The following DUSP22 variants were observed in gnomAD, a reference collection of about 807,000 sequenced individuals.
DUSP22 encodes the protein dual specificity protein phosphatase 22.
A neutral mutation model predicts 24.5 loss-of-function variants in DUSP22; 24 were observed. The ratio of observed to expected loss-of-function variants is 0.98; its 90% CI spans 0.71 to 1.38. The LOEUF (loss-of-function observed/expected upper bound fraction) is 1.38. Ranked by LOEUF, DUSP22 falls within the 40% of genes most tolerant of loss-of-function variation. The pLI is 0.00. For synonymous variants in DUSP22, 160 were observed against 106.4 expected (o/e 1.50, Z -3.10); for missense variants, 330 against 269.2 (o/e 1.23, Z -1.58).
At chr6:334,026 A>G (rs1379052052) in intron 3 of DUSP22, among the ~76,000 whole-genome samples, 1 of 152,420 alleles carries the variant, frequency 6.6e-6, no homozygotes, top group Admixed American at 6.5e-5. Context: ...ATTCCTAACA[A>G]TAGGAGTTAA....
intron 2 of DUSP22, among the ~76,000 whole-genome samples, chr6:310,506 T>A (rs138995886): frequency 1.3e-5 from 2 of 152,426 alleles, no homozygotes; most frequent in Admixed American, 1.3e-4. Flanking sequence ...AGCCAACTGA[T>A]AGCTGATAGA....
chr6:346,039 T>TAA, intron 5 of DUSP22, 111 bp downstream of exon 5: 3 of 1,377,494 alleles, frequency 2.2e-6, no homozygotes, highest in Non-Finnish European at 3.0e-6. Flanking sequence ...TAGTTTTCTG[T>TAA]AAACCCTGAC....
chr6:294,701 G>A (rs1295206689), intron 1 of DUSP22, among the ~76,000 whole-genome samples: 1 of 152,272 alleles, frequency 6.6e-6, no homozygotes, highest in Non-Finnish European at 1.5e-5. Flanking sequence ...ATCTCATTTT[G>A]GACTAGCCAC....
chr6:315,499 C>T (rs544672553), intron 3 of DUSP22, among the ~76,000 whole-genome samples: 2 of 152,420 alleles, frequency 1.3e-5, no homozygotes, highest in Non-Finnish European at 2.9e-5. Context: ...TGCCTCTGTT[C>T]TCTCCTAGCA....
intron 1 of DUSP22, among the ~76,000 whole-genome samples, chr6:293,024 G>A (rs1440879325): frequency 6.6e-6 from 1 of 152,294 alleles, no homozygotes; most frequent in Non-Finnish European, 1.5e-5. Flanking sequence ...TGTGAGCACA[G>A]AGAAGTTTTT....
intron 2 of DUSP22, among the ~76,000 whole-genome samples, chr6:305,497 A>G (rs898559412): frequency 2.6e-5 from 4 of 152,302 alleles, no homozygotes; most frequent in African/African-American, 7.2e-5. Context: ...AAGAGTGACA[A>G]TTTCATCTCT....
rs538883551 is a variant in DUSP22 at position 306,277 on chromosome 6, T to G, written c.55+1616T>G. Reference sequence around the variant, plus strand: ...ATGAAAGGTTTGAAATTAAAAATTTTAATAAATATGAACCAAATTCAACAC... The same window carrying G: ...ATGAAAGGTTTGAAATTAAAAATTTGAATAAATATGAACCAAATTCAACAC... On this transcript the variant is annotated intron_variant, in intron 2 of 6. Transcript: ENST00000419235. Among the ~76,000 whole-genome samples the G allele has an allele frequency of 2.6e-5, 4 of 152,424 alleles. No homozygotes were observed. The East Asian group carries it at 7.7e-4, about 29-fold the overall frequency.
intron 4 of DUSP22, 67 bp downstream of exon 4, chr6:335,230 A>G (rs1759310936): frequency 6.3e-7 from 1 of 1,578,040 alleles, no homozygotes; most frequent in Admixed American, 1.7e-5. Flanking sequence ...GTAAAGTCAG[A>G]GAAGTAGAAG....
At chr6:330,989 C>G (rs985694887) in intron 3 of DUSP22, among the ~76,000 whole-genome samples, 5 of 152,308 alleles carry the variant, frequency 3.3e-5, no homozygotes, top group Non-Finnish European at 5.9e-5. Context: ...CTTCTTCCCC[C>G]TTTTCCTCTC....
chr6:292,692 C>A, intron 1 of DUSP22, 132 bp downstream of exon 1: 1 of 1,317,168 alleles, frequency 7.6e-7, no homozygotes, highest in Non-Finnish European at 9.9e-7. Context: ...GAGGGAGGGG[C>A]GGCGCGCCTG....
At chr6:335,802 G>A (rs777424259) in intron 4 of DUSP22, among the ~76,000 whole-genome samples, 8 of 152,304 alleles carry the variant, frequency 5.3e-5, no homozygotes, top group Admixed American at 3.3e-4. Flanking sequence ...GGAGGCTGGC[G>A]GCTGCCTTAT....
rs1052402479 is a variant in DUSP22, at chr6:301,194, A to G, written c.22-3434A>G. Among the ~76,000 whole-genome samples, 4 of 152,302 alleles carry G rather than the reference A, an allele frequency of 2.6e-5. No homozygotes were observed. In the East Asian group the frequency reaches 7.7e-4, roughly 29 times the overall value. ...CCCCAAACCTAGGAAAGGGTTTCAG[A>G]GACTGGAAAACCAATAAGATAAATG... On this transcript the variant is annotated intron_variant, in intron 1 of 6. Coordinates refer to ENST00000419235, the MANE Select transcript of DUSP22 (RefSeq NM_001286555.3).
chr6:332,050 T>C (rs1034993942), intron 3 of DUSP22, among the ~76,000 whole-genome samples: 1 of 152,308 alleles, frequency 6.6e-6, no homozygotes, highest in African/African-American at 2.4e-5. Flanking sequence ...TATTTTTCTT[T>C]CCTTGCACTC....
rs1255128479 is a variant in DUSP22 at position 351,258 on chromosome 6, C to G, written c.*2307C>G. The G allele has an allele frequency of 4.4e-6, 1 of 227,092 alleles. No individual in the cohort carries two copies. Among genetic ancestry groups the G allele is most frequent in the Admixed American group, 5.3e-5 (1 of 18,970 alleles). 14.1% of individuals were successfully genotyped at this position (227,092 alleles called of 1,614,324 possible). A position where few individuals can be genotyped will look rare whatever the true frequency, so the allele number is the denominator to read the frequency against. On this transcript the variant is annotated 3_prime_UTR_variant, in exon 7 of 7. Coordinates refer to ENST00000419235, the MANE Select transcript of DUSP22 (RefSeq NM_001286555.3). The stretch of plus-strand genomic sequence containing the variant: ...CAAATTCCCCAGCTTGGGAAATAGC[C>G]CTTGGTGTGGGTTTTATCTCTGGTT...
intron 3 of DUSP22, chr6:320,280 T>C (rs1758528366): frequency 1.3e-5 from 2 of 152,792 alleles, no homozygotes; most frequent in Non-Finnish European, 2.9e-5. Flanking sequence ...TGCAGGACAC[T>C]CTTCCTAGAT....
intron 3 of DUSP22, among the ~76,000 whole-genome samples, chr6:326,666 C>G (rs1266487874): frequency 3.3e-5 from 5 of 152,304 alleles, no homozygotes; most frequent in Admixed American, 3.3e-4. Flanking sequence ...CTGGCAAATC[C>G]TGTCTACTAC....
At chr6:337,460 C>T (rs1759407827) in intron 4 of DUSP22, among the ~76,000 whole-genome samples, 1 of 152,308 alleles carries the variant, frequency 6.6e-6, no homozygotes, top group Non-Finnish European at 1.5e-5. Flanking sequence ...CCCAGGAAGC[C>T]TGCTTCAGTT....
Position 349,745 on chromosome 6 carries a change from C to T in DUSP22, c.*794C>T. ...GTGAATGCACCAGGCTGAGGGTTCC[C>T]TAGCGCCTTGAGTCAAGGCCACTTT... On this transcript the variant is annotated 3_prime_UTR_variant, in exon 7 of 7. Coordinates refer to ENST00000419235, the MANE Select transcript of DUSP22 (RefSeq NM_001286555.3). 2 of 986,090 alleles carry T rather than the reference C, an allele frequency of 2.0e-6. No individual in the cohort carries two copies. The highest frequency in any genetic ancestry group is 2.4e-6 in the Non-Finnish European group (2 of 830,374). The allele number at this position is 986,090 out of a possible 1,614,324, so 61.1% of individuals were successfully genotyped here. A position where few individuals can be genotyped will look rare whatever the true frequency, so the allele number is the denominator to read the frequency against.
chr6:335,513 G>A (rs1196703317), intron 4 of DUSP22, among the ~76,000 whole-genome samples: 4 of 152,300 alleles, frequency 2.6e-5, no homozygotes, highest in African/African-American at 9.6e-5. Flanking sequence ...AAGCAGCGCT[G>A]TCCAATAGAA....
Sources: allele counts gnomAD v4.1 joint callset (sites outside exome capture counted in the v4.1 genomes callset), GRCh38; gene constraint gnomAD v4.1.1; transcripts MANE v1.5; gene names NCBI Gene and HGNC (gene_info 2026-07-23, HGNC 2026-07-21).